TSC2: variants seen among roughly 807,000 people sequenced by gnomAD.
The protein encoded by TSC2 is tuberin.
In TSC2, 29 loss-of-function variants were observed where a neutral mutation model predicts 202.2. That is an observed-to-expected ratio of 0.14 (90% CI 0.11 to 0.20). The LOEUF is 0.20. Among genes scored for constraint, TSC2 ranks in the 10% least tolerant of loss-of-function variants. The pLI, the probability that TSC2 is intolerant of heterozygous loss-of-function variation, is 1.00. For missense variants in TSC2, 2,429 were observed against 2,420.0 expected (o/e 1.00, Z -0.08); for synonymous variants, 1,349 against 1,044.0 (o/e 1.29, Z -5.63).
chr16:2,076,706 T>C, intron 25 of TSC2, 121 bp downstream of exon 25: 2 of 1,048,406 alleles, frequency 1.9e-6, no homozygotes, highest in Non-Finnish European at 2.8e-6. Flanking sequence ...CCCTGGAGTA[T>C]GTGAGGCAGG....
At chr16:2,088,192 C>T (rs533981924) in intron 40 of TSC2, 35 bp from the exon 41 acceptor site, 21 of 1,612,942 alleles carry the variant, frequency 1.3e-5, no homozygotes, top group East Asian at 2.2e-5. Flanking sequence ...CAGGTGCCAC[C>T]TGATAGTGAG....
rs201144475 is a variant in TSC2 at position 2,058,820 on chromosome 16, C to T, written c.922C>T (p.Arg308Trp). Reference sequence around the variant, plus strand: ...GGGCATGGCTCTCTGGGGAGCCCACCGGCTCTATTCTCTCAGGAACTCGCC... The same window carrying T: ...GGGCATGGCTCTCTGGGGAGCCCACTGGCTCTATTCTCTCAGGAACTCGCC... The part of the protein sequence containing the change: ...FVGMALWGAH[R>W]LYSLRNSPTS... The change falls in exon 10 of 42, where the codon CGG (arginine) becomes TGG (tryptophan). Residue 308 changes from arginine to tryptophan, a missense_variant. Physicochemically the swap from Arg to Trp is moderately radical, Grantham distance 101. Transcript: ENST00000219476. The T allele has an allele frequency of 1.1e-5, 18 of 1,602,976 alleles. No homozygotes were observed. Among genetic ancestry groups the T allele is most frequent in the Non-Finnish European group, 1.2e-5 (14 of 1,174,750 alleles).
At position 2,079,500 on chromosome 16, in the gene TSC2, C is replaced by A; in HGVS notation, c.3285-57C>A. 1.9e-6 allele frequency: 3 copies of A among 1,606,988 alleles called. No individual in the cohort carries two copies. The highest frequency in any genetic ancestry group is 2.5e-6 in the Non-Finnish European group (3 of 1,177,358). ...CTGTCCCGAGCCCAGGCCCACGTGG[C>A]ACCCTCGTACCAGCCTGGGGACTAA... On this transcript the variant is annotated intron_variant, in intron 28 of 41. Transcript: ENST00000219476. This position sits in a 1 kb window ranked among gnomAD's most constrained non-coding sequence, Gnocchi z 4.6.
intron 17 of TSC2, among the ~76,000 whole-genome samples, chr16:2,070,861 C>T (rs535153488): frequency 8.3e-4 from 127 of 152,312 alleles, no homozygotes; most frequent in Admixed American, 2.7e-3. Flanking sequence ...ATGGCCCTGA[C>T]GCTCCTGGTG....
Position 2,061,971 on chromosome 16 carries a change from A to T in TSC2, c.1220A>T (p.Tyr407Phe), listed in dbSNP as rs1596303621. 2 of 1,614,148 alleles carry T rather than the reference A, an allele frequency of 1.2e-6. No individual in the cohort carries two copies. Among genetic ancestry groups the T allele is most frequent in the Non-Finnish European group, 1.7e-6 (2 of 1,180,026 alleles). The change falls in exon 12 of 42, where the codon TAC becomes TTC. Residue 407 changes from tyrosine to phenylalanine, a missense_variant. Tyr to Phe is a conservative substitution (Grantham distance 22, BLOSUM62 3). Coordinates refer to ENST00000219476, the MANE Select transcript of TSC2 (RefSeq NM_000548.5). ...QNEFHGSQER[Y>F]FELVERCADQ... ...GAGTTCCACGGGTCTCAGGAGAGAT[A>T]CTTTGAACTGGTGGAGAGATGTGCG...
rs183996560 is a variant in TSC2, at chr16:2,064,127, G to A, written c.1444-145G>A. ...CCGGGGTCTCTGAGTCGCGCTCAGC[G>A]GGTGCTTGTGCTCTCTGCCCAGCTG... On this transcript the variant is annotated intron_variant, in intron 14 of 41. Transcript: ENST00000219476. The A allele has an allele frequency of 1.8e-4, 232 of 1,321,880 alleles. 1 individual carries two copies. The African/African-American group carries it at 2.9e-3, about 17-fold the overall frequency. The allele number at this position is 1,321,880 out of a possible 1,614,324, so 81.9% of individuals were successfully genotyped here.
chr16:2,062,914 T>C (rs952616915), intron 13 of TSC2, 58 bp from the exon 14 acceptor site: 2 of 1,529,808 alleles, frequency 1.3e-6, no homozygotes, highest in Non-Finnish European at 1.8e-6. Flanking sequence ...GCAGACGGGC[T>C]GGTGTGGGGC....
Position 2,048,306 on chromosome 16 carries a change from A to C in TSC2, c.-30+241A>C, listed in dbSNP as rs111847347. On this transcript the variant is annotated intron_variant, in intron 1 of 41. Transcript: ENST00000219476. ...AGAGACGGCAAACGTCGGGGCTCCCAGGACTTCGCGGCGGCAGTCCTAACC... is the reference window on the plus strand; with the variant it reads ...AGAGACGGCAAACGTCGGGGCTCCCCGGACTTCGCGGCGGCAGTCCTAACC... The C allele has an allele frequency of 7.5e-6, 8 of 1,060,086 alleles. No homozygotes were observed. The African/African-American group carries it at 1.3e-4, about 17-fold the overall frequency. The allele number at this position is 1,060,086 out of a possible 1,614,324, so 65.7% of individuals were successfully genotyped here.
chr16:2,080,540 G>C (rs978481184), intron 30 of TSC2, 163 bp downstream of exon 30: 3 of 803,914 alleles, frequency 3.7e-6, no homozygotes, highest in South Asian at 1.8e-5. Flanking sequence ...CTGGAACGCA[G>C]TGGCGCAATC....
At chr16:2,071,695 CTG>C in intron 18 of TSC2, 79 bp downstream of exon 18, 1 of 1,600,542 alleles carries the variant, frequency 6.2e-7, no homozygotes, top group South Asian at 1.1e-5. Flanking sequence ...GTTTGCATGT[CTG>C]AGGGATGTCC....
chr16:2,061,523 C>G (rs542253915), intron 11 of TSC2: 3 of 403,354 alleles, frequency 7.4e-6, no homozygotes, highest in African/African-American at 6.2e-5. Context: ...CCCTCCTGCC[C>G]GAGCTTCCTT....
At position 2,084,401 on chromosome 16, in the gene TSC2, T is replaced by G. The variant is rs1555514101; in HGVS notation, c.4179T>G (p.Thr1393=). ...CCAGCTCCTCTCCCGAGCTGCAGAC[T>G]CTGCAGGACATCCTCGGGGACCCTG... The part of the protein sequence containing the change: ...SKSSSSPELQ[T]LQDILGDPGD... The change falls in exon 34 of 42, where the codon ACT becomes ACG. Residue 1393 remains threonine (T), a synonymous_variant. Transcript: ENST00000219476. The G allele has an allele frequency of 6.2e-7, 1 of 1,612,204 alleles. No homozygotes were observed. Among genetic ancestry groups the G allele is most frequent in the Non-Finnish European group, 8.5e-7 (1 of 1,179,824 alleles).
rs868388786 is a variant in TSC2 at position 2,070,588 on chromosome 16, C to A, written c.1839+10C>A. ...CAGCATCCGGCTGCAGGTATGGTGG[C>A]TGGGGTTGCGCAGCCAGTTCCTGGG... On this transcript the variant is annotated intron_variant, in intron 17 of 41. Coordinates refer to ENST00000219476, the MANE Select transcript of TSC2 (RefSeq NM_000548.5). 6.2e-7 allele frequency: 1 copy of A among 1,612,958 alleles called. No individual in the cohort carries two copies. The highest frequency in any genetic ancestry group is 1.1e-5 in the South Asian group (1 of 91,084).
rs1038542645 is a variant in TSC2 at position 2,086,098 on chromosome 16, G to T, written c.4663-95G>T. 17 of 1,455,556 alleles carry T rather than the reference G, an allele frequency of 1.2e-5. No homozygotes were observed. In the South Asian group the frequency reaches 2.0e-4, roughly 17 times the overall value. The allele number at this position is 1,455,556 out of a possible 1,614,324, so 90.2% of individuals were successfully genotyped here. ...CTTGTCTGCCTCAGGGATCAGAGTG[G>T]GGCTCCCGGCAGAGCCTGCTGGGCA... On this transcript the variant is annotated intron_variant, in intron 36 of 41. Coordinates refer to ENST00000219476, the MANE Select transcript of TSC2 (RefSeq NM_000548.5).
intron 13 of TSC2, 45 bp downstream of exon 13, chr16:2,062,645 C>G (rs765157349): frequency 8.4e-6 from 13 of 1,547,914 alleles, no homozygotes; most frequent in Middle Eastern, 2.1e-4. Flanking sequence ...GAGCCTGGCC[C>G]TGTCTCTGTC....
At position 2,060,576 on chromosome 16, in the gene TSC2, G is replaced by T. The variant is rs556735740; in HGVS notation, c.976-94G>T. The T allele has an allele frequency of 3.1e-6, 5 of 1,603,446 alleles. No individual in the cohort carries two copies. In the African/African-American group the frequency reaches 6.7e-5, roughly 21 times the overall value. On this transcript the variant is annotated intron_variant, in intron 10 of 41. Transcript: ENST00000219476. ...ACGTGTGGTGGGCACTGCGCGCTCA[G>T]GCGTGCTACTCTCGGTCCCAAGGGT...
chr16:2,085,875 G>A (rs1004573489), intron 36 of TSC2, among the ~76,000 whole-genome samples: 1 of 152,104 alleles, frequency 6.6e-6, no homozygotes, highest in African/African-American at 2.4e-5. Flanking sequence ...TGTGTGGCTC[G>A]AGGAGGTGGG....
chr16:2,070,606 T>C (rs2151283165), intron 17 of TSC2, 28 bp downstream of exon 17: 1 of 1,612,568 alleles, frequency 6.2e-7, no homozygotes, highest in Non-Finnish European at 8.5e-7. Context: ...GCGCAGCCAG[T>C]TCCTGGGGGC....
chr16:2,076,540 A>G lies in TSC2; in HGVS notation c.2792A>G (p.Asp931Gly), dbSNP rs2089411255. 1 of 1,613,198 alleles carries G rather than the reference A, an allele frequency of 6.2e-7. No individual in the cohort carries two copies. Among genetic ancestry groups the G allele is most frequent in the Non-Finnish European group, 8.5e-7 (1 of 1,179,904 alleles). The change falls in exon 25 of 42, where the codon GAC (aspartate) becomes GGC (glycine). Residue 931 changes from aspartate to glycine, a missense_variant. Coordinates refer to ENST00000219476, the MANE Select transcript of TSC2 (RefSeq NM_000548.5). ...LLSFDDTPEK[D>G]SFRARSTSLN... Reference sequence around the variant, plus strand: ...TCTTTTGATGACACCCCCGAGAAGGACAGCTTCAGGGCCCGGAGTACTAGT... The same window carrying G: ...TCTTTTGATGACACCCCCGAGAAGGGCAGCTTCAGGGCCCGGAGTACTAGT...
Sources: gnomAD v4.1 joint callset for allele counts (sites outside exome capture counted in the v4.1 genomes callset) on GRCh38, gnomAD v4.1.1 for gene constraint, Gnocchi (gnomAD v3.1) non-coding constraint, MANE v1.5 for transcripts, NCBI Gene and HGNC (gene_info 2026-07-23, HGNC 2026-07-21) for gene names.